Variants in PACSIN2 observed in about 807,000 individuals in gnomAD.
The protein encoded by PACSIN2 is protein kinase C and casein kinase substrate in neurons 2, also known as protein kinase C and casein kinase substrate in neurons protein 2.
Under a neutral mutation model 63.8 loss-of-function variants are expected in PACSIN2, and 25 were observed. The observed-to-expected ratio is 0.39, with a 90% CI of 0.29 to 0.55. The LOEUF is 0.55. Ranked by LOEUF, PACSIN2 falls within the 20% of genes least tolerant of loss-of-function variation. PACSIN2 has a pLI of 0.62. For missense variants in PACSIN2, 518 were observed against 646.9 expected (o/e 0.80, Z 2.16); for synonymous variants, 255 against 256.2 (o/e 1.00, Z 0.05).
intron 1 of PACSIN2, among the ~76,000 whole-genome samples, chr22:42,978,947 A>G (rs932449446): frequency 1.3e-5 from 2 of 152,074 alleles, no homozygotes; most frequent in Non-Finnish European, 2.9e-5. Context: ...ACTCCACCCA[A>G]TGTCTTCCAA....
chr22:43,006,783 C>T (rs1254929104), intron 1 of PACSIN2, among the ~76,000 whole-genome samples: 2 of 152,218 alleles, frequency 1.3e-5, no homozygotes, highest in South Asian at 2.1e-4. Context: ...CCATTGTACT[C>T]CAGCCTGGGC....
At chr22:42,970,759 G>A (rs1306343407) in intron 1 of PACSIN2, among the ~76,000 whole-genome samples, 1 of 152,218 alleles carries the variant, frequency 6.6e-6, no homozygotes, top group African/African-American at 2.4e-5. Flanking sequence ...CACCTGGAAA[G>A]GAAGGCAGGG....
intron 8 of PACSIN2, among the ~76,000 whole-genome samples, chr22:42,878,614 C>T (rs923139733): frequency 3.9e-5 from 6 of 152,226 alleles, no homozygotes; most frequent in Admixed American, 1.3e-4. Context: ...GTCCCTCCCT[C>T]GACTGGCGCC....
intron 2 of PACSIN2, among the ~76,000 whole-genome samples, chr22:42,897,009 T>G (rs1930337624): frequency 6.6e-6 from 1 of 152,168 alleles, no homozygotes; most frequent in African/African-American, 2.4e-5. Context: ...CAATCATGGC[T>G]CACTGTGGCC....
At chr22:42,878,997 G>A in intron 8 of PACSIN2, 51 bp downstream of exon 8, 1 of 1,585,062 alleles carries the variant, frequency 6.3e-7, no homozygotes, top group Non-Finnish European at 8.6e-7. Context: ...AGATTGCCCA[G>A]GGCCCCCACC....
Position 42,884,475 on chromosome 22 carries a change from C to T in PACSIN2, c.696G>A (p.Gln232=). 1 of 1,614,254 alleles carries T rather than the reference C, an allele frequency of 6.2e-7. No homozygotes were observed. The highest frequency in any genetic ancestry group is 8.5e-7 in the Non-Finnish European group (1 of 1,180,034). The part of the protein sequence containing the change: ...YMENMEQVFE[Q]CQQFEEKRLR... Reference sequence around the variant, plus strand: ...GGCGTTTCTCCTCGAACTGCTGGCACTGCTCAAACACCTGCTCCATGTTCT... The same window carrying T: ...GGCGTTTCTCCTCGAACTGCTGGCATTGCTCAAACACCTGCTCCATGTTCT... Residue 232 remains glutamine (Q), a synonymous_variant, in exon 6 of 11, where the codon CAG becomes CAA. Coordinates refer to ENST00000263246, the MANE Select transcript of PACSIN2 (RefSeq NM_001184970.3).
At chr22:42,924,914 G>A (rs975492542) in intron 1 of PACSIN2, among the ~76,000 whole-genome samples, 16 of 151,724 alleles carry the variant, frequency 1.1e-4, no homozygotes, top group African/African-American at 3.9e-4. Context: ...CTGCCACTAC[G>A]CCCAGCTAAT....
At chr22:43,006,920 A>C (rs1924130387) in intron 1 of PACSIN2, among the ~76,000 whole-genome samples, 1 of 152,142 alleles carries the variant, frequency 6.6e-6, no homozygotes, top group Non-Finnish European at 1.5e-5. Context: ...GGCCATTCCC[A>C]CTCGAAAAGC....
At chr22:42,906,736 C>A (rs2146709073) in intron 2 of PACSIN2, among the ~76,000 whole-genome samples, 1 of 152,276 alleles carries the variant, frequency 6.6e-6, no homozygotes, top group Non-Finnish European at 1.5e-5. Context: ...CCCAGAACAG[C>A]CAAATACCAT....
intron 10 of PACSIN2, among the ~76,000 whole-genome samples, chr22:42,873,053 G>GT (rs1485378089): frequency 4.6e-5 from 7 of 152,158 alleles, no homozygotes; most frequent in African/African-American, 1.7e-4. Context: ...CGCAAGAGAC[G>GT]TAAGTCAAGC....
intron 1 of PACSIN2, among the ~76,000 whole-genome samples, chr22:42,975,198 G>A (rs1921606760): frequency 6.6e-6 from 1 of 152,164 alleles, no homozygotes; most frequent in East Asian, 1.9e-4. Flanking sequence ...TTATTAGCAT[G>A]GAGGACGCTC....
intron 2 of PACSIN2, among the ~76,000 whole-genome samples, chr22:42,898,180 G>A (rs1054328630): frequency 1.1e-4 from 17 of 152,154 alleles, no homozygotes; most frequent in Admixed American, 7.2e-4. Context: ...GACAAAGGTC[G>A]TGGGAATCCC....
intron 1 of PACSIN2, among the ~76,000 whole-genome samples, chr22:43,006,056 G>C (rs943891137): frequency 1.3e-5 from 2 of 152,074 alleles, no homozygotes; most frequent in African/African-American, 4.8e-5. Flanking sequence ...GCCTCCAAAA[G>C]TGTTGAGATT....
At chr22:42,905,121 T>A (rs1930981290) in intron 2 of PACSIN2, among the ~76,000 whole-genome samples, 1 of 152,232 alleles carries the variant, frequency 6.6e-6, no homozygotes, top group Non-Finnish European at 1.5e-5. Flanking sequence ...ATTTAAAAAA[T>A]TTTATCTTCA....
intron 1 of PACSIN2, among the ~76,000 whole-genome samples, chr22:42,925,002 C>T (rs1932445673): frequency 6.6e-6 from 1 of 151,776 alleles, no homozygotes; most frequent in Middle Eastern, 3.4e-3. Context: ...CGTGATCGGC[C>T]CAAAGTGCTG....
At chr22:42,895,129 C>G (rs573836758) in intron 2 of PACSIN2, among the ~76,000 whole-genome samples, 3 of 152,208 alleles carry the variant, frequency 2.0e-5, no homozygotes, top group Non-Finnish European at 4.4e-5. Flanking sequence ...CCCAGCAAGG[C>G]TGGCAGCTCG....
rs751071897 is a variant in PACSIN2 at position 42,884,446 on chromosome 22, C to T, written c.725G>A (p.Arg242His). The change falls in exon 6 of 11, where the codon CGC (arginine) becomes CAC (histidine). Residue 242 changes from arginine (R) to histidine (H), a missense_variant. By Grantham distance (29) the Arg-to-His change is conservative (BLOSUM62 0). Around this residue, in one of 2 missense-constraint regions of PACSIN2, gnomAD observed 507 missense variants for 612.3 expected, o/e 0.83. Coordinates refer to ENST00000263246, the MANE Select transcript of PACSIN2 (RefSeq NM_001184970.3). Reference sequence around the variant, plus strand: ...CTCCAGCAGAACCTCCCGGAAGAAGCGAAGGCGTTTCTCCTCGAACTGCTG... The same window carrying T: ...CTCCAGCAGAACCTCCCGGAAGAAGTGAAGGCGTTTCTCCTCGAACTGCTG... ...QCQQFEEKRL[R>H]FFREVLLEVQ... 5 of 1,614,108 alleles carry T rather than the reference C, an allele frequency of 3.1e-6. No individual in the cohort carries two copies. Among genetic ancestry groups the T allele is most frequent in the South Asian group, 2.2e-5 (2 of 91,086 alleles).
chr22:42,950,856 A>T (rs1933658778), intron 1 of PACSIN2, among the ~76,000 whole-genome samples: 2 of 152,326 alleles, frequency 1.3e-5, no homozygotes, highest in South Asian at 4.1e-4. Flanking sequence ...GGTAGAAGTG[A>T]CAAGGCCCCT....
chr22:42,942,547 C>T (rs867332706), intron 1 of PACSIN2, among the ~76,000 whole-genome samples: 1 of 152,080 alleles, frequency 6.6e-6, no homozygotes, highest in Non-Finnish European at 1.5e-5. Flanking sequence ...TTAGCTCTTA[C>T]ATTTAGGTCT....
Sources: allele counts gnomAD v4.1 joint callset (sites outside exome capture counted in the v4.1 genomes callset), GRCh38; gene constraint gnomAD v4.1.1; regional missense constraint gnomAD v4.1.1; transcripts MANE v1.5; gene names NCBI Gene and HGNC (gene_info 2026-07-23, HGNC 2026-07-21).